Variants in TP63 observed in about 807,000 individuals in gnomAD.
The protein encoded by TP63 is tumor protein p63.
TP63 carries 17 observed loss-of-function variants against 82.8 expected under a neutral mutation model. That is an observed-to-expected ratio of 0.21 (90% CI 0.14 to 0.31). TP63 has a LOEUF of 0.31. Among genes scored for constraint, TP63 ranks in the 10% least tolerant of loss-of-function variants. The pLI is 1.00. For missense variants in TP63, 648 were observed against 895.3 expected, an observed-to-expected ratio of 0.72 and a Z score of 3.52; for synonymous variants, 330 against 321.7, an observed-to-expected ratio of 1.03 and a Z score of -0.28.
At chr3:189,689,797 G>C (rs1271796354) in intron 1 of TP63, among the ~76,000 whole-genome samples, 1 of 152,144 alleles carries the variant, frequency 6.6e-6, no homozygotes, top group South Asian at 2.1e-4. Context: ...GAAACTAGCA[G>C]TTCATCTCTT....
chr3:189,877,245 T>C (rs1719337843), intron 10 of TP63, among the ~76,000 whole-genome samples: 1 of 152,220 alleles, frequency 6.6e-6, no homozygotes, highest in African/African-American at 2.4e-5. Context: ...TAGAGAGTTA[T>C]GTTTCTAGAT....
chr3:189,869,688 G>A (rs552330964), intron 9 of TP63, among the ~76,000 whole-genome samples: 9 of 150,756 alleles, frequency 6.0e-5, no homozygotes, highest in Non-Finnish European at 1.2e-4. Flanking sequence ...TTCTCATATA[G>A]TGGAGAGGGC....
At chr3:189,727,752 T>G (rs1042016893) in intron 1 of TP63, among the ~76,000 whole-genome samples, 1 of 152,186 alleles carries the variant, frequency 6.6e-6, no homozygotes, top group Admixed American at 6.5e-5. Flanking sequence ...AAAACCCTAA[T>G]GTATTCCAAA....
At chr3:189,670,017 A>T (rs1026664924) in intron 1 of TP63, among the ~76,000 whole-genome samples, 3 of 151,994 alleles carry the variant, frequency 2.0e-5, no homozygotes, top group African/African-American at 7.2e-5. Context: ...ATACCATATA[A>T]ACTATATTAA....
chr3:189,725,226 T>C (rs917718992), intron 1 of TP63, among the ~76,000 whole-genome samples: 1 of 152,166 alleles, frequency 6.6e-6, no homozygotes, highest in African/African-American at 2.4e-5. Flanking sequence ...ACATAGTATA[T>C]ATAATTATTA....
At chr3:189,659,964 A>G (rs1713724247) in intron 1 of TP63, among the ~76,000 whole-genome samples, 1 of 151,936 alleles carries the variant, frequency 6.6e-6, no homozygotes. Context: ...CCATTGCCAT[A>G]TATATAGTCT....
chr3:189,807,048 C>G (rs924106053), intron 3 of TP63, among the ~76,000 whole-genome samples: 1 of 152,116 alleles, frequency 6.6e-6, no homozygotes, highest in Non-Finnish European at 1.5e-5. Flanking sequence ...AAAATATGTA[C>G]GAATAGGACT....
At chr3:189,885,950 A>G (rs1235521366) in intron 10 of TP63, among the ~76,000 whole-genome samples, 1 of 152,250 alleles carries the variant, frequency 6.6e-6, no homozygotes, top group African/African-American at 2.4e-5. Context: ...GAATATACAG[A>G]AAGCTACAAA....
chr3:189,875,609 T>TATATATATATATATATACAC lies in TP63; in HGVS notation c.1349+2631_1349+2632insCACATATATATATATATATA, dbSNP rs1719011185. On this transcript the variant is annotated intron_variant, in intron 10 of 13. Transcript: ENST00000264731. ...AAATACATACATATATATATATATA[T>TATATATATATATATATACAC]ATATATATATATATATATATATATA... Among the ~76,000 whole-genome samples the TATATATATATATATATACAC allele has an allele frequency of 1.7e-4, 11 of 62,990 alleles. 1 individual carries two copies. The highest frequency in any genetic ancestry group is 3.9e-4 in the Non-Finnish European group (11 of 28,066). 41.3% of individuals were successfully genotyped at this position (62,990 alleles called of 152,430 possible).
At chr3:189,763,718 ACACT>A (rs1722746474) in intron 3 of TP63, among the ~76,000 whole-genome samples, 1 of 152,224 alleles carries the variant, frequency 6.6e-6, no homozygotes, top group African/African-American at 2.4e-5. Context: ...AATGTGTGAA[ACACT>A]CAGTCTGACA....
the TP63 span, among the ~76,000 whole-genome samples, chr3:189,620,706 C>G: frequency 6.6e-6 from 1 of 152,180 alleles, no homozygotes. Context: ...TGTAGCCCTA[C>G]TAGGTTCAGT....
chr3:189,602,785 C>T, the TP63 span, among the ~76,000 whole-genome samples: 9 of 152,124 alleles, frequency 5.9e-5, no homozygotes, highest in South Asian at 2.1e-4. Context: ...TAAATTATAT[C>T]GTTCGTAGAG....
At chr3:189,814,074 G>A (rs1388879608) in intron 4 of TP63, among the ~76,000 whole-genome samples, 3 of 152,160 alleles carry the variant, frequency 2.0e-5, no homozygotes, top group Non-Finnish European at 4.4e-5. Context: ...TATGGGTCTT[G>A]GTCTCGCAAG....
intron 3 of TP63, among the ~76,000 whole-genome samples, chr3:189,774,693 A>C (rs183812533): frequency 6.1e-4 from 93 of 152,344 alleles, no homozygotes; most frequent in African/African-American, 2.2e-3. Context: ...CCTATTTAAT[A>C]ATTGTAAAAA....
intron 1 of TP63, among the ~76,000 whole-genome samples, chr3:189,708,717 A>C (rs532833835): frequency 1.1e-4 from 17 of 152,182 alleles, no homozygotes; most frequent in African/African-American, 4.1e-4. Flanking sequence ...TTCATTCATT[A>C]ATTCTGTCAC....
chr3:189,876,608 A>G (rs1243060399), intron 10 of TP63, among the ~76,000 whole-genome samples: 1 of 150,764 alleles, frequency 6.6e-6, no homozygotes, highest in East Asian at 1.9e-4. Flanking sequence ...GAAATCTAAC[A>G]GACTGCAAAA....
chr3:189,610,771 A>C, the TP63 span, among the ~76,000 whole-genome samples: 3 of 152,242 alleles, frequency 2.0e-5, no homozygotes, highest in African/African-American at 7.2e-5. Flanking sequence ...ATCCATTTTC[A>C]TGCTGCTGAT....
At chr3:189,821,647 T>G (rs1007123184) in intron 4 of TP63, among the ~76,000 whole-genome samples, 1 of 152,238 alleles carries the variant, frequency 6.6e-6, no homozygotes, top group African/African-American at 2.4e-5. Flanking sequence ...GTTTGAACTT[T>G]TGTTTTTAAG....
chr3:189,864,285 C>T lies in TP63; in HGVS notation c.633C>T (p.Ile211=), dbSNP rs531106128. 1 of 1,614,202 alleles carries T rather than the reference C, an allele frequency of 6.2e-7. No homozygotes were observed. Among genetic ancestry groups the T allele is most frequent in the East Asian group, 2.2e-5 (1 of 44,868 alleles). Residue 211 remains isoleucine (I), a synonymous_variant, in exon 5 of 14, where the codon ATC becomes ATT. Coordinates refer to ENST00000264731, the MANE Select transcript of TP63 (RefSeq NM_003722.5). ...GCCAAATTGCAAAGACATGCCCCAT[C>T]CAGATCAAGGTGATGACCCCACCTC... ...LYCQIAKTCP[I]QIKVMTPPPQ...
Sources: allele counts gnomAD v4.1 joint callset (sites outside exome capture counted in the v4.1 genomes callset), GRCh38; gene constraint gnomAD v4.1.1; transcripts MANE v1.5; gene names NCBI Gene and HGNC (gene_info 2026-07-23, HGNC 2026-07-21).